The following B3GALT1 variants were observed in gnomAD, a reference collection of about 807,000 sequenced individuals.
B3GALT1 encodes UDP-Gal:betaGlcNAc beta 1,3-galactosyltransferase, polypeptide 1.
Under a neutral mutation model 23.2 loss-of-function variants are expected in B3GALT1, and 10 were observed. That is an observed-to-expected ratio of 0.43 (90% CI 0.27 to 0.73). The LOEUF (loss-of-function observed/expected upper bound fraction) is 0.73, where lower values mean the gene tolerates loss of function less well. Ranked by LOEUF, B3GALT1 falls within the 30% of genes least tolerant of loss-of-function variation. The pLI, the probability that B3GALT1 is intolerant of heterozygous loss-of-function variation, is 0.21. For missense variants in B3GALT1, 299 were observed against 405.4 expected, an observed-to-expected ratio of 0.74 and a Z score of 2.25; for synonymous variants, 156 against 141.5, an observed-to-expected ratio of 1.10 and a Z score of -0.73.
chr2:167,397,854 C>G (rs1698121321), intron 1 of B3GALT1, among the ~76,000 whole-genome samples: 1 of 152,046 alleles, frequency 6.6e-6, no homozygotes, highest in South Asian at 2.1e-4. Flanking sequence ...CCACCATTCC[C>G]AGGCAGTGTA....
chr2:167,310,383 C>CA (rs1305299956), intron 1 of B3GALT1, among the ~76,000 whole-genome samples: 3 of 151,884 alleles, frequency 2.0e-5, no homozygotes, highest in African/African-American at 7.3e-5. Flanking sequence ...AGAGAAAGGG[C>CA]AAAAACACTG....
chr2:167,786,532 T>G (rs1468426966), intron 3 of B3GALT1, among the ~76,000 whole-genome samples: 3 of 152,194 alleles, frequency 2.0e-5, no homozygotes, highest in Non-Finnish European at 4.4e-5. Flanking sequence ...TAATAATGAT[T>G]TTAGTAAGTT....
At chr2:167,787,456 A>G (rs1688359773) in intron 3 of B3GALT1, among the ~76,000 whole-genome samples, 1 of 152,252 alleles carries the variant, frequency 6.6e-6, no homozygotes, top group Non-Finnish European at 1.5e-5. Flanking sequence ...AGTAGGATGT[A>G]CCAGCCAAAT....
chr2:167,564,686 C>T (rs1251470966), intron 2 of B3GALT1, among the ~76,000 whole-genome samples: 1 of 152,154 alleles, frequency 6.6e-6, no homozygotes, highest in Non-Finnish European at 1.5e-5. Flanking sequence ...CACAGCGAAT[C>T]CAAATCACAA....
chr2:167,859,740 T>C (rs781303081), intron 4 of B3GALT1, among the ~76,000 whole-genome samples: 1 of 152,174 alleles, frequency 6.6e-6, no homozygotes, highest in Non-Finnish European at 1.5e-5. Flanking sequence ...AGTTCAATTA[T>C]GGGGTCTCTT....
chr2:167,779,194 G>A (rs1558976447), intron 3 of B3GALT1, among the ~76,000 whole-genome samples: 1 of 128,218 alleles, frequency 7.8e-6, no homozygotes, highest in Admixed American at 7.7e-5. Flanking sequence ...AACATGTCTT[G>A]GTTTTTTTTC....
At chr2:167,853,606 A>G (rs1261000766) in intron 4 of B3GALT1, among the ~76,000 whole-genome samples, 1 of 152,174 alleles carries the variant, frequency 6.6e-6, no homozygotes, top group Non-Finnish European at 1.5e-5. Context: ...ATCAAATATG[A>G]TGAATTAATA....
At chr2:167,565,156 GAGATAT>G (rs1442532367) in intron 2 of B3GALT1, among the ~76,000 whole-genome samples, 4 of 152,176 alleles carry the variant, frequency 2.6e-5, no homozygotes, top group African/African-American at 9.7e-5. Context: ...TACCAAAACA[GAGATAT>G]AGATCAATGG....
At chr2:167,845,471 C>A (rs767103176) in intron 4 of B3GALT1, among the ~76,000 whole-genome samples, 1 of 152,130 alleles carries the variant, frequency 6.6e-6, no homozygotes, top group African/African-American at 2.4e-5. Context: ...GACTTACTTA[C>A]GGAGTGGCTA....
At chr2:167,686,433 A>C (rs1307202035) in intron 3 of B3GALT1, among the ~76,000 whole-genome samples, 2 of 152,226 alleles carry the variant, frequency 1.3e-5, no homozygotes, top group African/African-American at 2.4e-5. Flanking sequence ...CTGATTAGCC[A>C]TTAGAGGAAT....
At chr2:167,352,042 C>G (rs1189856644) in intron 1 of B3GALT1, among the ~76,000 whole-genome samples, 1 of 150,952 alleles carries the variant, frequency 6.6e-6, no homozygotes, top group South Asian at 2.1e-4. Flanking sequence ...TCACTGCAAC[C>G]TCTGCCTCCC....
chr2:167,550,990 C>G (rs1683733657), intron 2 of B3GALT1, among the ~76,000 whole-genome samples: 1 of 152,094 alleles, frequency 6.6e-6, no homozygotes, highest in South Asian at 2.1e-4. Flanking sequence ...ATCCTGCCAT[C>G]CCCCACGGCC....
intron 3 of B3GALT1, among the ~76,000 whole-genome samples, chr2:167,745,436 T>C (rs1687638197): frequency 6.6e-6 from 1 of 152,332 alleles, no homozygotes; most frequent in South Asian, 2.1e-4. Context: ...GAGATCATTT[T>C]CCTTCTATGA....
rs1690316890 is a variant in B3GALT1, at chr2:167,870,275, C to G, written c.*255C>G. ...TGCTATTTATCTCAAAAAGTGACTT[C>G]CAAACAACTCTTAGGATTGACGTAC... is the stretch of plus-strand genomic sequence containing the variant. On this transcript the variant is annotated 3_prime_UTR_variant, in exon 5 of 5. Coordinates refer to ENST00000392690, the MANE Select transcript of B3GALT1 (RefSeq NM_020981.4). 2.8e-6 allele frequency: 1 copy of G among 353,046 alleles called. No homozygotes were observed. Among genetic ancestry groups the G allele is most frequent in the Non-Finnish European group, 5.3e-6 (1 of 186,922 alleles). The allele number at this position is 353,046 out of a possible 1,614,324, so 21.9% of individuals were successfully genotyped here. A position where few individuals can be genotyped will look rare whatever the true frequency, so the allele number is the denominator to read the frequency against.
At chr2:167,416,799 A>G (rs1171285398) in intron 1 of B3GALT1, among the ~76,000 whole-genome samples, 1 of 152,196 alleles carries the variant, frequency 6.6e-6, no homozygotes, top group East Asian at 1.9e-4. Context: ...TGGAACATGA[A>G]ATCAAAGGGA....
chr2:167,332,410 A>C (rs1271947373), intron 1 of B3GALT1, among the ~76,000 whole-genome samples: 1 of 152,276 alleles, frequency 6.6e-6, no homozygotes, highest in Non-Finnish European at 1.5e-5. Flanking sequence ...TTGCACTAAT[A>C]GTGGCAGTTA....
At chr2:167,794,049 GA>G (rs762119610) in intron 3 of B3GALT1, among the ~76,000 whole-genome samples, 47 of 152,324 alleles carry the variant, frequency 3.1e-4, no homozygotes, top group Non-Finnish European at 5.4e-4. Flanking sequence ...CTTAGTGGAA[GA>G]GCCACAGCAA....
Position 167,774,918 on chromosome 2 carries a change from G to A in B3GALT1, c.-351-43754G>A, listed in dbSNP as rs188044292. On this transcript the variant is annotated intron_variant, in intron 3 of 4. Transcript: ENST00000392690. ...AGGAATGCAAATTAAAGTAGCAATA[G>A]GATATTATCATTTGCCTATCAGAGC... Among the ~76,000 whole-genome samples, 3 of 152,292 alleles carry A rather than the reference G, an allele frequency of 2.0e-5. No individual in the cohort carries two copies. In the East Asian group the frequency reaches 5.8e-4, roughly 29 times the overall value.
chr2:167,669,367 T>C lies in B3GALT1; in HGVS notation c.-352+22401T>C, dbSNP rs544376717. Among the ~76,000 whole-genome samples the C allele has an allele frequency of 2.6e-5, 4 of 152,350 alleles. No homozygotes were observed. The South Asian group carries it at 8.3e-4, about 32-fold the overall frequency. ...CAAATAAGTTCTTGAAGTTTCAAGA[T>C]ATCTTGAGGACAGAGTTTCAAGTTA... is the stretch of plus-strand genomic sequence containing the variant. On this transcript the variant is annotated intron_variant, in intron 3 of 4. Coordinates refer to ENST00000392690, the MANE Select transcript of B3GALT1 (RefSeq NM_020981.4).
Sources: gnomAD v4.1 joint callset for allele counts (sites outside exome capture counted in the v4.1 genomes callset) on GRCh38, gnomAD v4.1.1 for gene constraint, MANE v1.5 for transcripts, NCBI Gene and HGNC (gene_info 2026-07-23, HGNC 2026-07-21) for gene names.